Variants in PLEKHG4 observed in about 807,000 individuals in gnomAD.
PLEKHG4 encodes the protein pleckstrin homology and RhoGEF domain containing G4, also known as puratrophin-1.
A neutral mutation model predicts 136.9 loss-of-function variants in PLEKHG4; 85 were observed. The observed-to-expected ratio is 0.62, with a 90% CI of 0.52 to 0.74. The LOEUF is 0.74. Among genes scored for constraint, PLEKHG4 ranks in the 30% least tolerant of loss-of-function variants. PLEKHG4 has a pLI of 0.00. For missense variants in PLEKHG4, 1,317 were observed against 1,527.8 expected (o/e 0.86, Z 2.30); for synonymous variants, 577 against 646.9 (o/e 0.89, Z 1.64).
chr16:67,282,099 G>A lies in PLEKHG4; in HGVS notation c.1096G>A (p.Glu366Lys). The change falls in exon 8 of 22, where the codon GAG becomes AAG. Residue 366 changes from glutamate (E) to lysine (K), a missense_variant. Transcript: ENST00000379344. ...TGTGAAGGCTGTGCCCCAGCCCATG[G>A]AGCCTGGGGTGAGTGTCCCCTCCCA... is the stretch of plus-strand genomic sequence containing the variant. The part of the protein sequence containing the change: ...ESVKAVPQPM[E>K]PGEVGQLLQQ... 7.4e-6 allele frequency: 12 copies of A among 1,612,990 alleles called. No homozygotes were observed. The South Asian group carries it at 1.3e-4, about 18-fold the overall frequency.
In PLEKHG4 at chr16:67,288,309, T is replaced by C; in HGVS notation, c.3363T>C (p.Ala1121=). 1 of 1,611,854 alleles carries C rather than the reference T, an allele frequency of 6.2e-7. No homozygotes were observed. The highest frequency in any genetic ancestry group is 8.5e-7 in the Non-Finnish European group (1 of 1,179,272). The part of the protein sequence containing the change: ...SLNLHLYRDP[A]LLGLRCPLYP... ...ACCTGCACCTGTACAGAGACCCAGCTCTTCTGGGTCTCCGCTGTCCCCTGT... is the reference window on the plus strand; with the variant it reads ...ACCTGCACCTGTACAGAGACCCAGCCCTTCTGGGTCTCCGCTGTCCCCTGT... Residue 1121 remains alanine (A), a synonymous_variant, in exon 20 of 22, where the codon GCT becomes GCC. Transcript: ENST00000379344.
chr16:67,286,682 G>A lies in PLEKHG4; in HGVS notation c.2754+16G>A, dbSNP rs1194157668. ...GGGCTGTGATGTGAGTCATCCCAGG[G>A]CAAGGGCAGTGGGTGTGAAGAAGAA... On this transcript the variant is annotated intron_variant, in intron 16 of 21. Coordinates refer to ENST00000379344, the MANE Select transcript of PLEKHG4 (RefSeq NM_001129729.3). 3 of 1,584,532 alleles carry A rather than the reference G, an allele frequency of 1.9e-6. No homozygotes were observed. In the Admixed American group the frequency reaches 5.5e-5, roughly 29 times the overall value.
chr16:67,283,285 C>T (rs1357882073), intron 11 of PLEKHG4, among the ~76,000 whole-genome samples: 1 of 152,060 alleles, frequency 6.6e-6, no homozygotes, highest in Non-Finnish European at 1.5e-5. Flanking sequence ...GGTTGAAATG[C>T]AGAGCAGAGA....
intron 19 of PLEKHG4, 63 bp downstream of exon 19, chr16:67,288,077 C>G: frequency 6.6e-7 from 1 of 1,515,072 alleles, no homozygotes; most frequent in Non-Finnish European, 9.2e-7. Flanking sequence ...AGCACTGTGG[C>G]CCTCCATTAG....
intron 9 of PLEKHG4, 32 bp from the exon 10 acceptor site, chr16:67,282,471 C>G (rs1395461852): frequency 1.9e-6 from 3 of 1,613,728 alleles, no homozygotes; most frequent in East Asian, 2.2e-5. Flanking sequence ...TGGTGCAAGG[C>G]AGGGGGTCTA....
upstream of PLEKHG4, chr16:67,277,696 G>C (rs2036048904): frequency 6.6e-6 from 1 of 152,398 alleles, no homozygotes; most frequent in Non-Finnish European, 1.5e-5. Context: ...GGTTTCCATG[G>C]GATACATAGA....
rs370291502 is a variant in PLEKHG4, at chr16:67,285,558, G to A, written c.2442+22G>A. The A allele has an allele frequency of 1.9e-5, 30 of 1,602,212 alleles. No individual in the cohort carries two copies. The South Asian group carries it at 3.1e-4, about 16-fold the overall frequency. Reference sequence around the variant, plus strand: ...CCATGTAAGCCCGACAGGCCATGTGGTATCAGCTCGTTCTGCCACACTCCC... The same window carrying A: ...CCATGTAAGCCCGACAGGCCATGTGATATCAGCTCGTTCTGCCACACTCCC... On this transcript the variant is annotated intron_variant, in intron 14 of 21. Coordinates refer to ENST00000379344, the MANE Select transcript of PLEKHG4 (RefSeq NM_001129729.3).
In PLEKHG4 at chr16:67,289,048, C is replaced by T. The variant is rs1040512732; in HGVS notation, c.*240C>T. The T allele has an allele frequency of 4.8e-6, 3 of 620,684 alleles. No homozygotes were observed. The African/African-American group carries it at 5.5e-5, about 11-fold the overall frequency. 38.4% of individuals were successfully genotyped at this position (620,684 alleles called of 1,614,324 possible). A position where few individuals can be genotyped will look rare whatever the true frequency, so the allele number is the denominator to read the frequency against. Reference sequence around the variant, plus strand: ...CTGGCCCCATGACCCCTTCTCCTGTCCCCAGCTCCCATCCCAGTTGTGGGT... The same window carrying T: ...CTGGCCCCATGACCCCTTCTCCTGTTCCCAGCTCCCATCCCAGTTGTGGGT... On this transcript the variant is annotated 3_prime_UTR_variant, in exon 22 of 22. Transcript: ENST00000379344.
chr16:67,281,526 C>T lies in PLEKHG4; in HGVS notation c.814-41C>T, dbSNP rs747270401. 5 of 1,559,908 alleles carry T rather than the reference C, an allele frequency of 3.2e-6. No homozygotes were observed. In the Admixed American group the frequency reaches 8.4e-5, roughly 26 times the overall value. The stretch of plus-strand genomic sequence containing the variant: ...CAGGCGTGAGCCACCATGCCCTTTT[C>T]TGTAGAGTTGGGGATAGTGCTGAGC... On this transcript the variant is annotated intron_variant, in intron 5 of 21. Coordinates refer to ENST00000379344, the MANE Select transcript of PLEKHG4 (RefSeq NM_001129729.3).
At chr16:67,277,666 C>G (rs534362468), upstream of PLEKHG4, 1 of 152,570 alleles carries the variant, frequency 6.6e-6, no homozygotes, top group East Asian at 1.9e-4. Flanking sequence ...GTCTCTGAAT[C>G]TGTCTCCATT....
In PLEKHG4 at chr16:67,280,986, T is replaced by A. The variant is rs1301687455; in HGVS notation, c.700T>A (p.Tyr234Asn). 6.2e-7 allele frequency: 1 copy of A among 1,613,854 alleles called. No individual in the cohort carries two copies. The part of the protein sequence containing the change: ...SSQELIRLLL[Y>N]LRSIPRPEVQ... ...CCAGGAACTCATCCGCCTCCTGCTGTACCTGCGAAGCATCCCCAGGTTTGA... is the reference window on the plus strand; with the variant it reads ...CCAGGAACTCATCCGCCTCCTGCTGAACCTGCGAAGCATCCCCAGGTTTGA... Residue 234 changes from tyrosine (Y) to asparagine (N), a missense_variant, in exon 4 of 22, where the codon TAC (tyrosine) becomes AAC (asparagine). Physicochemically the swap from Tyr to Asn is moderately radical, Grantham distance 143. Coordinates refer to ENST00000379344, the MANE Select transcript of PLEKHG4 (RefSeq NM_001129729.3). This position sits in a 1 kb window ranked among gnomAD's most constrained non-coding sequence, Gnocchi z 4.4.
Position 67,280,143 on chromosome 16 carries a change from A to G in PLEKHG4, c.99A>G (p.Glu33=), listed in dbSNP as rs772425863. The change falls in exon 2 of 22, where the codon GAA becomes GAG. Residue 33 remains glutamate (E), a synonymous_variant. Transcript: ENST00000379344. The surrounding 1 kb of genome is among the most constrained non-coding windows in gnomAD (Gnocchi z 4.4). ...FAVCSFRDAW[E]EEEPASQMHV... ...TGTGCAGTTTCAGGGATGCCTGGGA[A>G]GAGGAGGAACCTGCTTCCCAGATGC... is the stretch of plus-strand genomic sequence containing the variant. The G allele has an allele frequency of 1.9e-6, 3 of 1,613,954 alleles. No individual in the cohort carries two copies. Among genetic ancestry groups the G allele is most frequent in the Non-Finnish European group, 2.5e-6 (3 of 1,180,006 alleles).
In PLEKHG4 at chr16:67,279,857, C is replaced by T. The variant is rs1320452808; in HGVS notation, c.-169-19C>T. The T allele has an allele frequency of 4.8e-6, 3 of 623,022 alleles. No individual in the cohort carries two copies. Among genetic ancestry groups the T allele is most frequent in the East Asian group, 2.8e-5 (1 of 36,334 alleles). 38.6% of individuals were successfully genotyped at this position (623,022 alleles called of 1,614,324 possible). On this transcript the variant is annotated intron_variant, in intron 1 of 21. Transcript: ENST00000379344. ...GACCTGGACAGAGGGACACCCTTAA[C>T]GTTATTCCCTCTTCCCAGGCCTGAA...
upstream of PLEKHG4, chr16:67,278,681 G>A (rs2036073182): frequency 6.6e-6 from 1 of 152,258 alleles, no homozygotes; most frequent in African/African-American, 2.4e-5. Flanking sequence ...GTATAACACA[G>A]GGAGTCTTCC....
chr16:67,284,746 T>C lies in PLEKHG4; in HGVS notation c.1726T>C (p.Leu576=). The part of the protein sequence containing the change: ...LTWAEEGQRV[L]AELEQERPGV... ...GTGGGCTGAGGAGGGGCAGCGAGTG[T>C]TGGCAGAGCTGGAGCAGGAACGCCC... The change falls in exon 13 of 22, where the codon TTG becomes CTG. Residue 576 remains leucine, a synonymous_variant. Coordinates refer to ENST00000379344, the MANE Select transcript of PLEKHG4 (RefSeq NM_001129729.3). This position sits in a 1 kb window ranked among gnomAD's most constrained non-coding sequence, Gnocchi z 4.4. 6.2e-7 allele frequency: 1 copy of C among 1,613,886 alleles called. No homozygotes were observed.
chr16:67,281,044 C>T (rs182286285), intron 4 of PLEKHG4, 39 bp downstream of exon 4: 5 of 1,613,872 alleles, frequency 3.1e-6, no homozygotes, highest in Non-Finnish European at 4.2e-6. Context: ...CCTGAGCCAG[C>T]TGTGAGGACT....
rs568304490 is a variant in PLEKHG4, at chr16:67,287,247, A to G, written c.3103+70A>G. On this transcript the variant is annotated intron_variant, in intron 18 of 21. Transcript: ENST00000379344. ...AGCTTACATTGACCCACAGGAGCCC[A>G]GAGACCTGGGAAAAGCTCGGGAAGT... 82 of 1,526,356 alleles carry G rather than the reference A, an allele frequency of 5.4e-5. 1 individual carries two copies. The South Asian group carries it at 8.3e-4, about 15-fold the overall frequency. 94.6% of individuals were successfully genotyped at this position (1,526,356 alleles called of 1,614,324 possible).
At chr16:67,282,675 C>A in intron 10 of PLEKHG4, 34 bp downstream of exon 10, 1 of 1,613,592 alleles carries the variant, frequency 6.2e-7, no homozygotes, top group Admixed American at 1.7e-5. Context: ...GGCCCTGCCC[C>A]GATCTCAGAC....
At chr16:67,287,644 C>T (rs372715648) in intron 18 of PLEKHG4, 8 of 562,656 alleles carry the variant, frequency 1.4e-5, no homozygotes, top group Admixed American at 2.9e-5. Context: ...CCTCCTACCT[C>T]GGCCTCCCAA....
Sources: gnomAD v4.1 joint callset for allele counts (sites outside exome capture counted in the v4.1 genomes callset) on GRCh38, gnomAD v4.1.1 for gene constraint, Gnocchi (gnomAD v3.1) non-coding constraint, MANE v1.5 for transcripts, NCBI Gene and HGNC (gene_info 2026-07-23, HGNC 2026-07-21) for gene names.